CDH12: variants seen among roughly 807,000 people sequenced by gnomAD.
CDH12 encodes cadherin-12.
A neutral mutation model predicts 74.1 loss-of-function variants in CDH12; 41 were observed. The ratio of observed to expected loss-of-function variants is 0.55; its 90% CI spans 0.43 to 0.72. CDH12 has a LOEUF of 0.72. Among genes scored for constraint, CDH12 ranks in the 30% least tolerant of loss-of-function variants. CDH12 has a pLI of 0.00. For synonymous variants in CDH12, 399 were observed against 355.0 expected (o/e 1.12, Z -1.39); for missense variants, 945 against 977.2 (o/e 0.97, Z 0.44).
rs918178865 is a variant in CDH12 at position 21,817,115 on chromosome 5, C to A, written c.832G>T (p.Val278Phe). ...RFPKSIFHLK[V>F]PESSPIGSAI... ...GAACCAATAGGGGAAGACTCAGGAA[C>A]TTTCAAGTGGAAGATGCCTGATAAG... is the stretch of plus-strand genomic sequence containing the variant. Residue 278 changes from valine to phenylalanine, a missense_variant, in exon 9 of 15, where the codon GTT (valine) becomes TTT (phenylalanine). By Grantham distance (50) the Val-to-Phe change is conservative (BLOSUM62 -1). Around this residue, in one of 3 missense-constraint regions of CDH12, gnomAD observed 791 missense variants for 792.8 expected, o/e 1.00. Coordinates refer to ENST00000382254, the MANE Select transcript of CDH12 (RefSeq NM_004061.5). 9.9e-6 allele frequency: 16 copies of A among 1,609,524 alleles called. No homozygotes were observed. The highest frequency in any genetic ancestry group is 1.3e-5 in the Non-Finnish European group (15 of 1,177,958).
intron 4 of CDH12, among the ~76,000 whole-genome samples, chr5:22,187,215 T>C (rs564953803): frequency 6.6e-6 from 1 of 152,268 alleles, no homozygotes; most frequent in East Asian, 1.9e-4. Flanking sequence ...TCTGGGCAGA[T>C]GGTGCTTATA....
At chr5:22,736,138 T>A (rs1300025235) in intron 1 of CDH12, among the ~76,000 whole-genome samples, 1 of 151,860 alleles carries the variant, frequency 6.6e-6, no homozygotes, top group Admixed American at 6.6e-5. Flanking sequence ...GTTATAGAGA[T>A]TTAAAATGTC....
intron 1 of CDH12, among the ~76,000 whole-genome samples, chr5:22,510,809 A>C (rs1170748644): frequency 6.6e-6 from 1 of 152,180 alleles, no homozygotes; most frequent in Non-Finnish European, 1.5e-5. Flanking sequence ...AAGGCTGGTT[A>C]CAGGTTTCTT....
At chr5:22,759,189 G>A (rs545764808) in intron 1 of CDH12, among the ~76,000 whole-genome samples, 6 of 150,874 alleles carry the variant, frequency 4.0e-5, no homozygotes, top group South Asian at 4.2e-4. Flanking sequence ...AGACTGCTAC[G>A]CAGTCTCAGA....
intron 11 of CDH12, among the ~76,000 whole-genome samples, chr5:21,766,525 A>G (rs1336363225): frequency 6.6e-6 from 1 of 151,926 alleles, no homozygotes; most frequent in Non-Finnish European, 1.5e-5. Context: ...CATGGTTTTC[A>G]TAGGCCCTGC....
chr5:22,702,731 A>G (rs1182773772), intron 1 of CDH12, among the ~76,000 whole-genome samples: 1 of 152,022 alleles, frequency 6.6e-6, no homozygotes, highest in Non-Finnish European at 1.5e-5. Flanking sequence ...CAATAATAAA[A>G]AAAACCCTTC....
intron 10 of CDH12, among the ~76,000 whole-genome samples, chr5:21,792,846 G>C (rs1020306241): frequency 6.6e-6 from 1 of 151,586 alleles, no homozygotes; most frequent in Non-Finnish European, 1.5e-5. Flanking sequence ...AAGAAAATGA[G>C]GTTTAGACAA....
chr5:22,378,768 C>T (rs939232009), intron 3 of CDH12, among the ~76,000 whole-genome samples: 1 of 151,936 alleles, frequency 6.6e-6, no homozygotes, highest in African/African-American at 2.4e-5. Context: ...GAGAATTATA[C>T]AATATTTGAT....
At chr5:22,311,561 AC>A (rs1252563461) in intron 3 of CDH12, among the ~76,000 whole-genome samples, 1 of 151,792 alleles carries the variant, frequency 6.6e-6, no homozygotes, top group Non-Finnish European at 1.5e-5. Flanking sequence ...AATTAGCCTG[AC>A]GTGGTGGCAC....
At chr5:22,443,739 A>G (rs1257481292) in intron 2 of CDH12, among the ~76,000 whole-genome samples, 2 of 152,144 alleles carry the variant, frequency 1.3e-5, no homozygotes, top group Non-Finnish European at 2.9e-5. Context: ...GTAGACATTA[A>G]TTACAAAGTA....
In CDH12 at chr5:22,374,819, T is replaced by C. The variant is rs759487580; in HGVS notation, c.-333+30438A>G. On this transcript the variant is annotated intron_variant, in intron 3 of 14. Transcript: ENST00000382254. Reference sequence around the variant, plus strand: ...CAAAAAATTGAAGAGAAAACAAACATGGAAAGACATTGCATGCTCATGAAT... The same window carrying C: ...CAAAAAATTGAAGAGAAAACAAACACGGAAAGACATTGCATGCTCATGAAT... Among the ~76,000 whole-genome samples, 14 of 151,280 alleles carry C rather than the reference T, an allele frequency of 9.3e-5. No individual in the cohort carries two copies. In the South Asian group the frequency reaches 1.7e-3, roughly 18 times the overall value.
intron 2 of CDH12, among the ~76,000 whole-genome samples, chr5:22,413,221 A>C (rs758071420): frequency 3.3e-5 from 5 of 152,006 alleles, no homozygotes; most frequent in Non-Finnish European, 7.4e-5. Flanking sequence ...TTTTGCAGCT[A>C]TGTGAGGGAA....
chr5:22,783,737 AT>A (rs912825782), intron 1 of CDH12, among the ~76,000 whole-genome samples: 1 of 152,170 alleles, frequency 6.6e-6, no homozygotes, highest in Non-Finnish European at 1.5e-5. Context: ...AATGTAAGAC[AT>A]TTTCAAATTG....
intron 5 of CDH12, among the ~76,000 whole-genome samples, chr5:22,054,780 C>A (rs4418060): frequency 0.026 from 3,887 of 152,092 alleles, 177 homozygotes; most frequent in African/African-American, 0.09. Context: ...TCTCTGAAAA[C>A]AAAAGTCACC....
chr5:22,643,443 C>A (rs1339831410), intron 1 of CDH12, among the ~76,000 whole-genome samples: 1 of 152,090 alleles, frequency 6.6e-6, no homozygotes, highest in Non-Finnish European at 1.5e-5. Context: ...AATAGAATTA[C>A]TTTAAATCTA....
intron 1 of CDH12, among the ~76,000 whole-genome samples, chr5:22,607,595 C>T (rs558378721): frequency 1.3e-3 from 191 of 152,346 alleles, no homozygotes; most frequent in African/African-American, 4.4e-3. Context: ...ATGGGTCCCT[C>T]CCACAACACG....
intron 2 of CDH12, among the ~76,000 whole-genome samples, chr5:22,442,364 G>T (rs1744660424): frequency 6.6e-6 from 1 of 152,090 alleles, no homozygotes; most frequent in Non-Finnish European, 1.5e-5. Context: ...TTAAAACCAG[G>T]AATGGTGGTG....
chr5:22,179,294 G>A (rs1188405594), intron 4 of CDH12, among the ~76,000 whole-genome samples: 1 of 152,082 alleles, frequency 6.6e-6, no homozygotes, highest in African/African-American at 2.4e-5. Flanking sequence ...TATTTGTGTT[G>A]TTATCAAATA....
At chr5:22,229,966 A>G (rs1752328210) in intron 3 of CDH12, among the ~76,000 whole-genome samples, 1 of 152,118 alleles carries the variant, frequency 6.6e-6, no homozygotes, top group South Asian at 2.1e-4. Context: ...AGATTATTAA[A>G]TCAGTGAAAA....
Sources: allele counts gnomAD v4.1 joint callset (sites outside exome capture counted in the v4.1 genomes callset), GRCh38; gene constraint gnomAD v4.1.1; regional missense constraint gnomAD v4.1.1; transcripts MANE v1.5; gene names NCBI Gene and HGNC (gene_info 2026-07-23, HGNC 2026-07-21).